The following CFTR variants were observed in gnomAD, a reference collection of about 807,000 sequenced individuals.
The protein encoded by CFTR is CF transmembrane conductance regulator.
In CFTR, 181 loss-of-function variants were observed where a neutral mutation model predicts 171.6. The ratio of observed to expected loss-of-function variants is 1.05; its 90% CI spans 0.93 to 1.19. The LOEUF is 1.19. Among genes scored for constraint, CFTR ranks in the 50% most tolerant of loss-of-function variants. CFTR has a pLI of 0.00. For missense variants in CFTR, 1,968 were observed against 1,734.7 expected (o/e 1.13, Z -2.39); for synonymous variants, 583 against 608.0 (o/e 0.96, Z 0.60).
chr7:117,531,631 A>G (rs1188324561), intron 4 of CFTR, among the ~76,000 whole-genome samples: 1 of 152,176 alleles, frequency 6.6e-6, no homozygotes, highest in East Asian at 1.9e-4. Context: ...TTTTTGGAAC[A>G]GCACGTGCAT....
At chr7:117,620,723 C>T (rs1004872376) in intron 21 of CFTR, among the ~76,000 whole-genome samples, 1 of 152,188 alleles carries the variant, frequency 6.6e-6, no homozygotes, top group Non-Finnish European at 1.5e-5. Context: ...CATCATTTTA[C>T]TTCCAGGGTT....
At chr7:117,530,240 A>T (rs759289480) in intron 3 of CFTR, among the ~76,000 whole-genome samples, 1 of 152,088 alleles carries the variant, frequency 6.6e-6, no homozygotes, top group Non-Finnish European at 1.5e-5. Flanking sequence ...GTCCATTCCT[A>T]TTGCTGACTG....
intron 15 of CFTR, among the ~76,000 whole-genome samples, chr7:117,596,440 G>A (rs1389879342): frequency 2.0e-5 from 3 of 152,288 alleles, no homozygotes; most frequent in East Asian, 1.9e-4. Context: ...GACGAGCACC[G>A]CCCCCTGCTC....
At chr7:117,542,985 C>T (rs1207159318) in intron 9 of CFTR, among the ~76,000 whole-genome samples, 1 of 152,140 alleles carries the variant, frequency 6.6e-6, no homozygotes, top group Non-Finnish European at 1.5e-5. Context: ...TTGTTTTCTA[C>T]CATTTTAAAC....
intron 11 of CFTR, among the ~76,000 whole-genome samples, chr7:117,573,328 A>C (rs1308643992): frequency 6.6e-6 from 1 of 152,084 alleles, no homozygotes; most frequent in African/African-American, 2.4e-5. Flanking sequence ...TATTACTTTG[A>C]CCCTCTCTAG....
At chr7:117,518,254 T>G (rs1798626331) in intron 3 of CFTR, among the ~76,000 whole-genome samples, 1 of 148,838 alleles carries the variant, frequency 6.7e-6, no homozygotes, top group African/African-American at 2.4e-5. Flanking sequence ...AACCTATATA[T>G]ATATGTCACA....
intron 10 of CFTR, among the ~76,000 whole-genome samples, chr7:117,558,363 G>A (rs1799395715): frequency 6.6e-6 from 1 of 151,838 alleles, no homozygotes; most frequent in East Asian, 1.9e-4. Context: ...GACCATCCTG[G>A]CTAACACAGT....
At chr7:117,484,338 A>G (rs1334899168) in intron 1 of CFTR, among the ~76,000 whole-genome samples, 1 of 152,244 alleles carries the variant, frequency 6.6e-6, no homozygotes, top group East Asian at 1.9e-4. Context: ...ATTCCCGATT[A>G]CCATGACTCC....
rs75763344 is a variant in CFTR, at chr7:117,540,171, G to C, written c.941G>C (p.Gly314Ala). The C allele has an allele frequency of 1.9e-6, 3 of 1,613,966 alleles. No individual in the cohort carries two copies. The highest frequency in any genetic ancestry group is 2.7e-5 in the African/African-American group (2 of 75,018). The change falls in exon 8 of 27, where the codon GGG becomes GCG. Residue 314 changes from glycine to alanine, a missense_variant. Gly to Ala is a moderately conservative substitution (Grantham distance 60). Coordinates refer to ENST00000003084, the MANE Select transcript of CFTR (RefSeq NM_000492.4). ...YFNSSAFFFS[G>A]FFVVFLSVLP... ...AATAGCTCAGCCTTCTTCTTCTCAG[G>C]GTTCTTTGTGGTGTTTTTATCTGTG...
chr7:117,665,086 C>T (rs1361786408), intron 25 of CFTR, among the ~76,000 whole-genome samples: 1 of 152,194 alleles, frequency 6.6e-6, no homozygotes, highest in African/African-American at 2.4e-5. Context: ...AACTCTTCCC[C>T]CTTGTCAACA....
chr7:117,540,442 A>G (rs1799035706), intron 8 of CFTR, 96 bp downstream of exon 8: 2 of 1,193,898 alleles, frequency 1.7e-6, no homozygotes, highest in Non-Finnish European at 2.4e-6. Flanking sequence ...GAAAAGATAG[A>G]AAAAGAAATT....
chr7:117,519,557 A>C (rs1291069039), intron 3 of CFTR, among the ~76,000 whole-genome samples: 1 of 151,864 alleles, frequency 6.6e-6, no homozygotes, highest in African/African-American at 2.4e-5. Context: ...TTTTTATCCA[A>C]ATTTTTATTT....
At chr7:117,618,368 C>G (rs2116106010) in intron 21 of CFTR, among the ~76,000 whole-genome samples, 1 of 152,102 alleles carries the variant, frequency 6.6e-6, no homozygotes, top group Admixed American at 6.5e-5. Context: ...ATGCACCCAG[C>G]TACTTGAGAG....
At chr7:117,586,132 C>A (rs187599380) in intron 11 of CFTR, 3 of 152,236 alleles carry the variant, frequency 2.0e-5, no homozygotes, top group Non-Finnish European at 4.4e-5. Context: ...AGTCTAACTT[C>A]TAAATTATGA....
intron 3 of CFTR, among the ~76,000 whole-genome samples, chr7:117,517,561 G>C (rs1369129160): frequency 6.6e-6 from 1 of 152,010 alleles, no homozygotes; most frequent in Non-Finnish European, 1.5e-5. Context: ...TAATCCTTTG[G>C]GTATGTACCC....
chr7:117,600,967 A>G (rs768500147), intron 15 of CFTR, among the ~76,000 whole-genome samples: 1 of 152,050 alleles, frequency 6.6e-6, no homozygotes, highest in Non-Finnish European at 1.5e-5. Context: ...TGGTAGTTCT[A>G]TGTGGAAACC....
chr7:117,633,736 CT>C (rs966783394), intron 22 of CFTR, among the ~76,000 whole-genome samples: 71 of 151,732 alleles, frequency 4.7e-4, no homozygotes, highest in African/African-American at 1.7e-3. Flanking sequence ...TTGTGAAATG[CT>C]TTTCTGCAAC....
intron 13 of CFTR, 63 bp from the exon 14 acceptor site, chr7:117,591,871 T>G: frequency 9.5e-7 from 1 of 1,048,404 alleles, no homozygotes; most frequent in Non-Finnish European, 1.4e-6. Context: ...AATGCTAAAA[T>G]ACGAGACATA....
chr7:117,639,585 T>A (rs1465139846), intron 22 of CFTR, among the ~76,000 whole-genome samples: 2 of 152,200 alleles, frequency 1.3e-5, no homozygotes, highest in Non-Finnish European at 2.9e-5. Context: ...TACTTTTGGA[T>A]GAACTTAACT....
Sources: gnomAD v4.1 joint callset for allele counts (sites outside exome capture counted in the v4.1 genomes callset) on GRCh38, gnomAD v4.1.1 for gene constraint, MANE v1.5 for transcripts, NCBI Gene and HGNC (gene_info 2026-07-23, HGNC 2026-07-21) for gene names.